Variants in KIAA1328 observed in about 807,000 individuals in gnomAD.
KIAA1328 encodes KIAA1328, also known as protein hinderin.
KIAA1328 carries 52 observed loss-of-function variants against 68.1 expected under a neutral mutation model. The observed-to-expected ratio is 0.76, with a 90% CI of 0.61 to 0.96. The LOEUF is 0.96. Ranked by LOEUF, KIAA1328 falls within the 40% of genes least tolerant of loss-of-function variation. The pLI, the probability that KIAA1328 is intolerant of heterozygous loss-of-function variation, is 0.00. For missense variants in KIAA1328, 641 were observed against 677.6 expected (o/e 0.95, Z 0.60); for synonymous variants, 232 against 239.4 (o/e 0.97, Z 0.28).
At chr18:36,903,126 A>G (rs766513818) in intron 5 of KIAA1328, among the ~76,000 whole-genome samples, 13 of 152,080 alleles carry the variant, frequency 8.5e-5, no homozygotes, top group Non-Finnish European at 1.9e-4. Context: ...TTTTAGAATA[A>G]TATAGAATAT....
At chr18:36,904,935 C>T (rs2049164515) in intron 5 of KIAA1328, among the ~76,000 whole-genome samples, 1 of 151,902 alleles carries the variant, frequency 6.6e-6, no homozygotes, top group Admixed American at 6.6e-5. Flanking sequence ...ATTAACCTTC[C>T]AGTGATGGCT....
chr18:37,138,265 C>A (rs1477036804), intron 7 of KIAA1328, among the ~76,000 whole-genome samples: 1 of 152,094 alleles, frequency 6.6e-6, no homozygotes. Context: ...AAATGAGGCC[C>A]AGAGAGGTTA....
At chr18:37,214,568 T>G (rs2060387361) in intron 9 of KIAA1328, among the ~76,000 whole-genome samples, 1 of 152,256 alleles carries the variant, frequency 6.6e-6, no homozygotes, top group Admixed American at 6.5e-5. Context: ...TAGTATAGTT[T>G]GAAGTCAGGT....
intron 6 of KIAA1328, among the ~76,000 whole-genome samples, chr18:37,024,098 C>G (rs1223754994): frequency 1.3e-5 from 2 of 152,046 alleles, no homozygotes; most frequent in African/African-American, 4.8e-5. Context: ...TGGGTTCAAG[C>G]ACTCCTCCTG....
At chr18:37,055,905 C>A (rs200854077) in intron 6 of KIAA1328, among the ~76,000 whole-genome samples, 2 of 152,084 alleles carry the variant, frequency 1.3e-5, no homozygotes, top group East Asian at 3.9e-4. Flanking sequence ...GCAATAAGAC[C>A]TGTTGGTACT....
intron 3 of KIAA1328, among the ~76,000 whole-genome samples, chr18:36,840,615 C>G (rs1210734080): frequency 5.3e-5 from 8 of 151,952 alleles, no homozygotes; most frequent in Admixed American, 5.3e-4. Flanking sequence ...ACTACCATGC[C>G]CAGATGATTT....
intron 9 of KIAA1328, among the ~76,000 whole-genome samples, chr18:37,177,897 A>G (rs2059625372): frequency 6.6e-6 from 1 of 152,126 alleles, no homozygotes; most frequent in African/African-American, 2.4e-5. Flanking sequence ...CAATACATGT[A>G]TATATTGTGT....
At chr18:36,872,435 A>T (rs946087566) in intron 4 of KIAA1328, among the ~76,000 whole-genome samples, 3 of 152,198 alleles carry the variant, frequency 2.0e-5, no homozygotes, top group African/African-American at 7.2e-5. Flanking sequence ...AAACTCATAA[A>T]GCTGAACATG....
At chr18:37,215,115 C>T (rs891969905) in intron 9 of KIAA1328, among the ~76,000 whole-genome samples, 7 of 152,160 alleles carry the variant, frequency 4.6e-5, no homozygotes, top group Non-Finnish European at 1.0e-4. Flanking sequence ...ATTTGACTTC[C>T]TCTTTTCCTA....
intron 7 of KIAA1328, among the ~76,000 whole-genome samples, chr18:37,133,517 A>G (rs1180920007): frequency 1.4e-5 from 2 of 147,204 alleles, no homozygotes; most frequent in African/African-American, 2.6e-5. Context: ...CAACTTTTCT[A>G]TATAGTAATT....
chr18:37,201,556 A>T (rs767761258), intron 9 of KIAA1328, among the ~76,000 whole-genome samples: 1 of 152,192 alleles, frequency 6.6e-6, no homozygotes, highest in Non-Finnish European at 1.5e-5. Context: ...TTTTAGTCTT[A>T]CTATACCTGG....
chr18:37,028,702 A>T (rs1045050422), intron 6 of KIAA1328, among the ~76,000 whole-genome samples: 1 of 152,130 alleles, frequency 6.6e-6, no homozygotes, highest in Admixed American at 6.6e-5. Context: ...TGTTCCTTCA[A>T]TGCCTAGTTG....
chr18:36,990,700 T>C (rs2053142060), intron 6 of KIAA1328, among the ~76,000 whole-genome samples: 1 of 151,796 alleles, frequency 6.6e-6, no homozygotes, highest in Non-Finnish European at 1.5e-5. Flanking sequence ...ATTTGTGTTT[T>C]TTTCTAATTT....
At chr18:36,959,260 C>A in intron 5 of KIAA1328, 48 bp from the exon 6 acceptor site, 1 of 1,505,138 alleles carries the variant, frequency 6.6e-7, no homozygotes, top group Admixed American at 2.6e-5. Flanking sequence ...TTGATGGATG[C>A]AGTTTGAATC....
intron 6 of KIAA1328, among the ~76,000 whole-genome samples, chr18:37,009,142 G>A (rs1042291007): frequency 2.0e-5 from 3 of 152,178 alleles, no homozygotes; most frequent in African/African-American, 7.2e-5. Context: ...AATTTAAAGA[G>A]TAGGAGATTG....
At chr18:37,229,438 TGCACCAATAA>T, downstream of KIAA1328, 1 of 540,556 alleles carries the variant, frequency 1.8e-6, no homozygotes, top group Non-Finnish European at 2.8e-6. Context: ...GGTGATTTTT[TGCACCAATAA>T]TGAAAATGAA....
downstream of KIAA1328, among the ~76,000 whole-genome samples, chr18:37,229,247 A>C (rs2060654100): frequency 6.6e-6 from 1 of 152,188 alleles, no homozygotes; most frequent in Admixed American, 6.5e-5. Flanking sequence ...CTCCTGAAGC[A>C]CTTAACTGTG....
intron 5 of KIAA1328, 44 bp from the exon 6 acceptor site, chr18:36,959,264 T>A: frequency 1.3e-6 from 2 of 1,520,066 alleles, no homozygotes. Flanking sequence ...TGGATGCAGT[T>A]TGAATCAATT....
At chr18:36,938,425 C>T (rs1355765439) in intron 5 of KIAA1328, among the ~76,000 whole-genome samples, 1 of 152,038 alleles carries the variant, frequency 6.6e-6, no homozygotes, top group African/African-American at 2.4e-5. Context: ...TATTTAGGTC[C>T]TTTGCCCATA....
Sources: allele counts gnomAD v4.1 joint callset (sites outside exome capture counted in the v4.1 genomes callset), GRCh38; gene constraint gnomAD v4.1.1; transcripts MANE v1.5; gene names NCBI Gene and HGNC (gene_info 2026-07-23, HGNC 2026-07-21).